The following PFKFB2 variants were observed in gnomAD, a reference collection of about 807,000 sequenced individuals.
PFKFB2 encodes the protein 6-phosphofructo-2-kinase/fructose-2,6-biphosphatase 2.
A neutral mutation model predicts 68.0 loss-of-function variants in PFKFB2; 53 were observed. The ratio of observed to expected loss-of-function variants is 0.78; its 90% CI spans 0.63 to 0.98. The LOEUF is 0.98. Ranked by LOEUF, PFKFB2 falls within the 50% of genes least tolerant of loss-of-function variation. PFKFB2 has a pLI of 0.00. For missense variants in PFKFB2, 451 were observed against 642.0 expected, an observed-to-expected ratio of 0.70 and a Z score of 3.22; for synonymous variants, 222 against 227.6, an observed-to-expected ratio of 0.98 and a Z score of 0.22.
At chr1:207,035,474 C>A (rs2102311471) in intron 1 of PFKFB2, among the ~76,000 whole-genome samples, 1 of 152,152 alleles carries the variant, frequency 6.6e-6, no homozygotes, top group East Asian at 1.9e-4. Flanking sequence ...GGCAACATGG[C>A]AAAACCCTGT....
Position 207,070,476 on chromosome 1 carries a change from G to A in PFKFB2, c.1222+67G>A. ...AGGGCTGGACTTGCAGTGGCACCAG[G>A]ATTCCTGGGAAACAGACCTCCCTGT... On this transcript the variant is annotated intron_variant, in intron 12 of 14. Coordinates refer to ENST00000367080, the MANE Select transcript of PFKFB2 (RefSeq NM_006212.2). This position sits in a 1 kb window ranked among gnomAD's most constrained non-coding sequence, Gnocchi z 4.2. 1.9e-6 allele frequency: 3 copies of A among 1,557,684 alleles called. No homozygotes were observed. The highest frequency in any genetic ancestry group is 2.6e-6 in the Non-Finnish European group (3 of 1,141,900).
At chr1:207,067,183 A>T (rs1456078836) in intron 8 of PFKFB2, among the ~76,000 whole-genome samples, 8 of 152,312 alleles carry the variant, frequency 5.3e-5, no homozygotes, top group Middle Eastern at 6.8e-3. Context: ...TGGGCTTAGC[A>T]AAATCTTCAG....
upstream of PFKFB2, chr1:207,052,137 C>T (rs1330205666): frequency 1.3e-6 from 2 of 1,575,062 alleles, no homozygotes; most frequent in Non-Finnish European, 1.7e-6. Context: ...ATCAAACGGG[C>T]CCGCTGGGGC....
intron 1 of PFKFB2, among the ~76,000 whole-genome samples, chr1:207,053,904 ATTTTTTTTTT>A (rs574695365): frequency 8.2e-4 from 80 of 97,914 alleles, no homozygotes; most frequent in South Asian, 3.9e-3. Flanking sequence ...TTCATTTTTC[ATTTTTTTTTT>A]TTTTTTTTTT....
Position 207,063,467 on chromosome 1 carries a change from G to T in PFKFB2, c.450+46G>T. 1.5e-6 allele frequency: 2 copies of T among 1,340,556 alleles called. No homozygotes were observed. The highest frequency in any genetic ancestry group is 2.1e-6 in the Non-Finnish European group (2 of 938,562). The allele number at this position is 1,340,556 out of a possible 1,614,324, so 83.0% of individuals were successfully genotyped here. A position where few individuals can be genotyped will look rare whatever the true frequency, so the allele number is the denominator to read the frequency against. On this transcript the variant is annotated intron_variant, in intron 6 of 14. Transcript: ENST00000367080. This position sits in a 1 kb window ranked among gnomAD's most constrained non-coding sequence, Gnocchi z 4.1. ...GGAGGAAAAGGGATGAGTAGAGGTGGGGAGTCAGGCTACAGGCATGGATCT... is the reference window on the plus strand; with the variant it reads ...GGAGGAAAAGGGATGAGTAGAGGTGTGGAGTCAGGCTACAGGCATGGATCT...
In PFKFB2 at chr1:207,075,464, C is replaced by T; in HGVS notation, c.*3093C>T. 3.0e-6 allele frequency: 3 copies of T among 985,436 alleles called. No homozygotes were observed. The highest frequency in any genetic ancestry group is 3.6e-6 in the Non-Finnish European group (3 of 829,898). The allele number at this position is 985,436 out of a possible 1,614,324, so 61.0% of individuals were successfully genotyped here. A position where few individuals can be genotyped will look rare whatever the true frequency, so the allele number is the denominator to read the frequency against. ...TTAGAGAAGTTTCAGCTCTACTTCT[C>T]ATCTTTTCTCTCCTGGTCTTACTTG... is the stretch of plus-strand genomic sequence containing the variant. On this transcript the variant is annotated 3_prime_UTR_variant, in exon 15 of 15. Transcript: ENST00000367080.
intron 2 of PFKFB2, chr1:207,045,887 A>C (rs991602290): frequency 2.7e-4 from 41 of 152,178 alleles, no homozygotes; most frequent in African/African-American, 9.1e-4. Context: ...ACAGGGTCAA[A>C]CTGACCAGCA....
intron 2 of PFKFB2, among the ~76,000 whole-genome samples, chr1:207,058,147 T>C (rs959194784): frequency 3.3e-5 from 5 of 152,254 alleles, no homozygotes; most frequent in South Asian, 2.1e-4. Context: ...GCTTTCTTAG[T>C]GTTTGACCGT....
At chr1:207,046,691 T>C (rs936007301) in intron 2 of PFKFB2, 5 of 152,128 alleles carry the variant, frequency 3.3e-5, no homozygotes, top group East Asian at 3.8e-4. Flanking sequence ...ACACTTAATA[T>C]GTAAACAAAG....
intron 10 of PFKFB2, 78 bp downstream of exon 10, chr1:207,068,387 G>GT: frequency 1.6e-6 from 2 of 1,257,172 alleles, no homozygotes; most frequent in Non-Finnish European, 2.1e-6. Flanking sequence ...TATTTAGACA[G>GT]TTTTATCTAG....
chr1:207,036,216 A>G (rs764168092), intron 1 of PFKFB2, among the ~76,000 whole-genome samples: 3 of 152,202 alleles, frequency 2.0e-5, no homozygotes, highest in Non-Finnish European at 2.9e-5. Context: ...ATCACATGGC[A>G]AAAACTCTAA....
intron 2 of PFKFB2, among the ~76,000 whole-genome samples, chr1:207,058,191 A>C (rs1429066631): frequency 6.6e-6 from 1 of 152,246 alleles, no homozygotes; most frequent in African/African-American, 2.4e-5. Context: ...ATGCCTGTCA[A>C]CTGGCAGGAG....
chr1:207,054,621 G>A (rs1279161304), intron 1 of PFKFB2, 80 bp from the exon 2 acceptor site: 7 of 904,502 alleles, frequency 7.7e-6, no homozygotes, highest in South Asian at 1.5e-5. Flanking sequence ...TATACCACAC[G>A]GATCCAATGC....
rs766937782 is a variant in PFKFB2, at chr1:207,063,304, T to C, written c.376-43T>C. The stretch of plus-strand genomic sequence containing the variant: ...TTGAGTCTGCCCTGGTGGGGTTCTG[T>C]TTCTCTGTTCCTGCTCATTTACCTT... On this transcript the variant is annotated intron_variant, in intron 5 of 14. Transcript: ENST00000367080. This position sits in a 1 kb window ranked among gnomAD's most constrained non-coding sequence, Gnocchi z 4.1. 8 of 1,592,548 alleles carry C rather than the reference T, an allele frequency of 5.0e-6. No homozygotes were observed. Among genetic ancestry groups the C allele is most frequent in the Non-Finnish European group, 6.9e-6 (8 of 1,160,510 alleles).
At chr1:207,067,391 G>A in intron 8 of PFKFB2, 108 bp from the exon 9 acceptor site, 2 of 733,288 alleles carry the variant, frequency 2.7e-6, no homozygotes, top group Non-Finnish European at 4.6e-6. Flanking sequence ...GAGGAGGGGA[G>A]GAAGAGCAGC....
Position 207,077,695 on chromosome 1 carries a change from T to C in PFKFB2, c.*5324T>C. The C allele has an allele frequency of 1.0e-6, 1 of 985,700 alleles. No individual in the cohort carries two copies. The highest frequency in any genetic ancestry group is 1.2e-6 in the Non-Finnish European group (1 of 829,802). 61.1% of individuals were successfully genotyped at this position (985,700 alleles called of 1,614,324 possible). ...TTAGCAACATTCTGATTTAATCGGG[T>C]GACACTGATAACAAAGTATGCCACT... On this transcript the variant is annotated 3_prime_UTR_variant, in exon 15 of 15. Coordinates refer to ENST00000367080, the MANE Select transcript of PFKFB2 (RefSeq NM_006212.2).
At chr1:207,042,556 A>AAAAAAAAAAAAAAAAAC (rs1682501057) in intron 2 of PFKFB2, among the ~76,000 whole-genome samples, 1 of 88,516 alleles carries the variant, frequency 1.1e-5, no homozygotes, top group African/African-American at 4.5e-5. Flanking sequence ...TCACAAAAAA[A>AAAAAAAAAAAAAAAAAC]AAAAAAAAAA....
intron 1 of PFKFB2, chr1:207,035,131 TC>T (rs1388083232): frequency 1.0e-6 from 1 of 984,448 alleles, no homozygotes; most frequent in East Asian, 1.1e-4. Flanking sequence ...ATGACCAGAC[TC>T]TGTGGAAACT....
upstream of PFKFB2, chr1:207,049,505 G>C: frequency 6.2e-7 from 1 of 1,614,112 alleles, no homozygotes; most frequent in Non-Finnish European, 8.5e-7. Flanking sequence ...GCTACAATTT[G>C]TGCTATGAGG....
Sources: gnomAD v4.1 joint callset for allele counts (sites outside exome capture counted in the v4.1 genomes callset) on GRCh38, gnomAD v4.1.1 for gene constraint, Gnocchi (gnomAD v3.1) non-coding constraint, MANE v1.5 for transcripts, NCBI Gene and HGNC (gene_info 2026-07-23, HGNC 2026-07-21) for gene names.